ZNF114: variants seen among roughly 807,000 people sequenced by gnomAD.
ZNF114 encodes the protein zinc finger protein 114, also known as zinc finger protein 114 (Y18).
Under a neutral mutation model 6.8 loss-of-function variants are expected in ZNF114, and 8 were observed. The observed-to-expected ratio is 1.18, with a 90% CI of 0.69 to 2.13. ZNF114 has a LOEUF of 2.13. Among genes scored for constraint, ZNF114 ranks in the 30% most tolerant of loss-of-function variants. The probability of loss-of-function intolerance (pLI) is 0.00; values close to 1 mark genes in which losing one functional copy is unlikely to be tolerated. For missense variants in ZNF114, 472 were observed against 519.5 expected (o/e 0.91, Z 0.89); for synonymous variants, 169 against 185.5 (o/e 0.91, Z 0.72).
At chr19:48,276,364 C>T (rs8108219) in intron 3 of ZNF114, among the ~76,000 whole-genome samples, 100,027 of 151,284 alleles carry the variant, frequency 0.66, 34,058 homozygotes, top group Non-Finnish European at 0.74. Flanking sequence ...CAGCCTTAGG[C>T]CACTGCACCT....
intron 3 of ZNF114, among the ~76,000 whole-genome samples, chr19:48,276,532 T>G (rs538101407): frequency 6.6e-6 from 1 of 152,282 alleles, no homozygotes; most frequent in South Asian, 2.1e-4. Flanking sequence ...TGATGATTTT[T>G]TTTTGTTGAG....
At chr19:48,274,023 C>T (rs1967755721) in intron 3 of ZNF114, among the ~76,000 whole-genome samples, 1 of 151,362 alleles carries the variant, frequency 6.6e-6, no homozygotes, top group Non-Finnish European at 1.5e-5. Context: ...TCCCAAGGTG[C>T]TGGGATTACA....
At chr19:48,283,103 C>A (rs1968034813) in intron 5 of ZNF114, among the ~76,000 whole-genome samples, 1 of 152,136 alleles carries the variant, frequency 6.6e-6, no homozygotes, top group Non-Finnish European at 1.5e-5. Flanking sequence ...GCAACTTCCG[C>A]CTCCTGGGCT....
intron 3 of ZNF114, among the ~76,000 whole-genome samples, chr19:48,277,288 C>T (rs1208542445): frequency 6.6e-5 from 10 of 151,634 alleles, no homozygotes; most frequent in Non-Finnish European, 1.2e-4. Flanking sequence ...GCAGAGGCTG[C>T]TGTGAGCCGA....
rs1967664310 is a variant in ZNF114 at position 48,271,787 on chromosome 19, C to A, written c.-111C>A. 1 of 152,286 alleles carries A rather than the reference C, an allele frequency of 6.6e-6. No individual in the cohort carries two copies. Among genetic ancestry groups the A allele is most frequent in the Admixed American group, 6.5e-5 (1 of 15,276 alleles). 9.4% of individuals were successfully genotyped at this position (152,286 alleles called of 1,614,324 possible). ...CTGGGCTGCGCGCGCTTTTGGGCTG[C>A]GCCACCGACAGAGACATCTGGAAGC... On this transcript the variant is annotated 5_prime_UTR_variant, in exon 3 of 6. Coordinates refer to ENST00000595607, the MANE Select transcript of ZNF114 (RefSeq NM_153608.4).
intron 3 of ZNF114, among the ~76,000 whole-genome samples, chr19:48,273,722 G>T: frequency 6.6e-6 from 1 of 150,512 alleles, no homozygotes. Context: ...CTGTGTCAAA[G>T]TGACTTGGAT....
At chr19:48,277,450 G>A (rs1967864331) in intron 3 of ZNF114, among the ~76,000 whole-genome samples, 1 of 152,190 alleles carries the variant, frequency 6.6e-6, no homozygotes, top group East Asian at 1.9e-4. Flanking sequence ...GCAAAGTAAA[G>A]GCTTAATTTT....
chr19:48,270,246 A>G (rs2147276207), intron 1 of ZNF114, 27 bp downstream of exon 1: 1 of 151,986 alleles, frequency 6.6e-6, no homozygotes, highest in South Asian at 2.1e-4. Flanking sequence ...AAAAAAAAAA[A>G]AAATTAAAAT....
intron 5 of ZNF114, 119 bp downstream of exon 5, chr19:48,282,616 GC>G (rs1203688224): frequency 8.8e-6 from 11 of 1,246,682 alleles, no homozygotes; most frequent in Non-Finnish European, 9.8e-6. Flanking sequence ...CACAGCTGCT[GC>G]CCCCCAGGTA....
At chr19:48,277,694 T>C (rs6509372) in intron 3 of ZNF114, among the ~76,000 whole-genome samples, 119,304 of 152,026 alleles carry the variant, frequency 0.78, 47,075 homozygotes, top group Middle Eastern at 0.85. Context: ...CTGGGAATTT[T>C]CTGTTCCCAG....
intron 2 of ZNF114, 77 bp downstream of exon 2, chr19:48,271,526 C>CG (rs929947664): frequency 3.5e-4 from 1 of 2,818 alleles, no homozygotes. Context: ...GTCCCGGGGG[C>CG]GGGGGGTGGG....
intron 3 of ZNF114, among the ~76,000 whole-genome samples, chr19:48,274,019 G>A (rs943940234): frequency 1.1e-4 from 16 of 151,180 alleles, no homozygotes; most frequent in Admixed American, 4.0e-4. Flanking sequence ...GGCCTCCCAA[G>A]GTGCTGGGAT....
At chr19:48,279,891 G>C (rs939494426) in intron 4 of ZNF114, 83 bp downstream of exon 4, 1 of 1,606,322 alleles carries the variant, frequency 6.2e-7, no homozygotes, top group Non-Finnish European at 8.5e-7. Flanking sequence ...TGGGAGTCAG[G>C]TAAAGCACAT....
rs1270324913 is a variant in ZNF114 at position 48,285,782 on chromosome 19, C to T, written c.158C>T (p.Thr53Ile). The change falls in exon 6 of 6, where the codon ACC becomes ATC. Residue 53 changes from threonine to isoleucine, a missense_variant. Coordinates refer to ENST00000595607, the MANE Select transcript of ZNF114 (RefSeq NM_153608.4). ...TCAGATTGGGCAACTCCATGTAAAA[C>T]CAAAGACGCAACCCCTCAGCCGGAT... ...AFIDWATPCKTKDATPQPDIL... is the reference protein window; with the variant it reads ...AFIDWATPCKIKDATPQPDIL... The T allele has an allele frequency of 6.2e-7, 1 of 1,607,972 alleles. No individual in the cohort carries two copies. Among genetic ancestry groups the T allele is most frequent in the Admixed American group, 1.7e-5 (1 of 58,110 alleles).
chr19:48,277,939 A>T (rs563035127), intron 3 of ZNF114, among the ~76,000 whole-genome samples: 3 of 147,938 alleles, frequency 2.0e-5, no homozygotes, highest in Admixed American at 1.4e-4. Context: ...TATATTTGAA[A>T]TTTTTTTTTT....
chr19:48,281,761 G>A (rs1010198020), intron 4 of ZNF114: 1 of 152,058 alleles, frequency 6.6e-6, no homozygotes, highest in Non-Finnish European at 1.5e-5. Context: ...CTGGCCTCAA[G>A]CGATCGTCCC....
chr19:48,275,459 A>ACACACACACACACAC (rs1967804611), intron 3 of ZNF114, among the ~76,000 whole-genome samples: 4 of 75,892 alleles, frequency 5.3e-5, no homozygotes, highest in Non-Finnish European at 8.6e-5. Flanking sequence ...CACACACACA[A>ACACACACACACACAC]AATAGCCAGG....
In ZNF114 at chr19:48,285,889, G is replaced by T. The variant is rs753732269; in HGVS notation, c.265G>T (p.Asp89Tyr). The T allele has an allele frequency of 1.2e-6, 2 of 1,614,076 alleles. No individual in the cohort carries two copies. Among genetic ancestry groups the T allele is most frequent in the Admixed American group, 3.3e-5 (2 of 59,990 alleles). The change falls in exon 6 of 6, where the codon GAC becomes TAC. Residue 89 changes from aspartate to tyrosine, a missense_variant. Asp to Tyr is a radical substitution (Grantham distance 160). Coordinates refer to ENST00000595607, the MANE Select transcript of ZNF114 (RefSeq NM_153608.4). ...ISSQHSTLRE[D>Y]WRCPKTEEPH... ...TTCCCAGCACTCCACATTAAGAGAA[G>T]ACTGGAGATGCCCCAAAACAGAGGA... is the stretch of plus-strand genomic sequence containing the variant.
At chr19:48,277,808 T>TGTGTGTGTGTGTGTGTGTGG (rs1568991659) in intron 3 of ZNF114, among the ~76,000 whole-genome samples, 1 of 150,858 alleles carries the variant, frequency 6.6e-6, no homozygotes. Flanking sequence ...TGTGTGTGTG[T>TGTGTGTGTGTGTGTGTGTGG]GTGTGTGTGT....
Sources: gnomAD v4.1 joint callset for allele counts (sites outside exome capture counted in the v4.1 genomes callset) on GRCh38, gnomAD v4.1.1 for gene constraint, MANE v1.5 for transcripts, NCBI Gene and HGNC (gene_info 2026-07-23, HGNC 2026-07-21) for gene names.